The following DKK2 variants were observed in gnomAD, a reference collection of about 807,000 sequenced individuals.
DKK2 encodes dickkopf Wnt signaling pathway inhibitor 2.
A neutral mutation model predicts 28.1 loss-of-function variants in DKK2; 11 were observed. The ratio of observed to expected loss-of-function variants is 0.39; its 90% CI spans 0.25 to 0.65. The LOEUF is 0.65. DKK2 is among the 30% of genes least tolerant of loss of function. The pLI is 0.47. For missense variants in DKK2, 326 were observed against 335.5 expected (o/e 0.97, Z 0.22); for synonymous variants, 135 against 126.5 (o/e 1.07, Z -0.45).
At chr4:106,957,821 T>A (rs956780439) in intron 1 of DKK2, among the ~76,000 whole-genome samples, 1 of 147,800 alleles carries the variant, frequency 6.8e-6, no homozygotes, top group African/African-American at 2.5e-5. Context: ...AGTTAATGGG[T>A]GCAGCACACC....
intron 1 of DKK2, among the ~76,000 whole-genome samples, chr4:106,978,988 C>G (rs1044990434): frequency 6.6e-6 from 1 of 152,048 alleles, no homozygotes; most frequent in Non-Finnish European, 1.5e-5. Context: ...CACAGTCCCT[C>G]ACAGCTTCCC....
rs955116195 is a variant in DKK2 at position 107,002,186 on chromosome 4, C to T, written c.222+33184G>A. Among the ~76,000 whole-genome samples, 13 of 152,314 alleles carry T rather than the reference C, an allele frequency of 8.5e-5. No individual in the cohort carries two copies. The East Asian group carries it at 1.9e-3, about 23-fold the overall frequency. On this transcript the variant is annotated intron_variant, in intron 1 of 3. Coordinates refer to ENST00000285311, the MANE Select transcript of DKK2 (RefSeq NM_014421.3). Reference sequence around the variant, plus strand: ...AAAAATAATCTGTCCTAAATTACATCGTTCTGAACTAACTGCAAGACTGTT... The same window carrying T: ...AAAAATAATCTGTCCTAAATTACATTGTTCTGAACTAACTGCAAGACTGTT...
rs1345743374 is a variant in DKK2 at position 106,925,822 on chromosome 4, C to A, written c.350G>T (p.Cys117Phe). ...KKRCHRDGMC[C>F]PSTRCNNGIC... ...ACCATTATTGCAGCGGGTACTGGGG[C>A]AGCACATGCCATCTCGGTGGCAGCG... The change falls in exon 2 of 4, where the codon TGC (cysteine) becomes TTC (phenylalanine). Residue 117 changes from cysteine (C) to phenylalanine (F), a missense_variant. Cys to Phe is a radical substitution (Grantham distance 205). Coordinates refer to ENST00000285311, the MANE Select transcript of DKK2 (RefSeq NM_014421.3). 6.2e-7 allele frequency: 1 copy of A among 1,612,240 alleles called. No individual in the cohort carries two copies. Among genetic ancestry groups the A allele is most frequent in the South Asian group, 1.1e-5 (1 of 90,970 alleles).
Position 106,978,394 on chromosome 4 carries a change from A to T in DKK2, c.223-52445T>A, listed in dbSNP as rs143266515. Among the ~76,000 whole-genome samples the T allele has an allele frequency of 3.6e-3, 542 of 152,294 alleles. 2 individuals carry two copies. Among genetic ancestry groups the T allele is most frequent in the Non-Finnish European group, 6.4e-3 (435 of 68,026 alleles). On this transcript the variant is annotated intron_variant, in intron 1 of 3. Coordinates refer to ENST00000285311, the MANE Select transcript of DKK2 (RefSeq NM_014421.3). ...CAGGGAGATGAGAGTTTGATCTATA[A>T]GCCCCTGACAGTGGCTGCTGCCTTT...
chr4:106,941,181 A>G (rs2110343698), intron 1 of DKK2, among the ~76,000 whole-genome samples: 1 of 152,294 alleles, frequency 6.6e-6, no homozygotes, highest in African/African-American at 2.4e-5. Context: ...GCTCCACCAC[A>G]GAACTCTACC....
chr4:106,993,061 T>C (rs1723226958), intron 1 of DKK2, among the ~76,000 whole-genome samples: 1 of 152,238 alleles, frequency 6.6e-6, no homozygotes, highest in African/African-American at 2.4e-5. Context: ...AATTCAAGTG[T>C]AGACAAGTTT....
chr4:106,950,035 C>T (rs749833931), intron 1 of DKK2, among the ~76,000 whole-genome samples: 69 of 152,178 alleles, frequency 4.5e-4, no homozygotes, highest in Non-Finnish European at 8.5e-4. Flanking sequence ...GAGTGTAAAA[C>T]ATGTCTTGCA....
At chr4:106,955,233 C>T (rs1722572528) in intron 1 of DKK2, among the ~76,000 whole-genome samples, 1 of 151,752 alleles carries the variant, frequency 6.6e-6, no homozygotes. Flanking sequence ...TGTTTAATGC[C>T]CTCCCAAAAG....
At chr4:106,991,717 A>T (rs922249285) in intron 1 of DKK2, among the ~76,000 whole-genome samples, 2 of 152,160 alleles carry the variant, frequency 1.3e-5, no homozygotes, top group Non-Finnish European at 2.9e-5. Context: ...ACACACATAC[A>T]TGCACACACA....
intron 1 of DKK2, among the ~76,000 whole-genome samples, chr4:106,984,309 A>T (rs1444774744): frequency 6.6e-6 from 1 of 152,182 alleles, no homozygotes; most frequent in Non-Finnish European, 1.5e-5. Context: ...CTTTTTCATC[A>T]TCTCAAATGG....
At chr4:106,930,383 C>T (rs773588877) in intron 1 of DKK2, among the ~76,000 whole-genome samples, 7 of 152,124 alleles carry the variant, frequency 4.6e-5, no homozygotes, top group Non-Finnish European at 1.0e-4. Flanking sequence ...TTTCACTTGC[C>T]TATCCCTTTG....
intron 1 of DKK2, among the ~76,000 whole-genome samples, chr4:107,025,997 G>T (rs1470118864): frequency 1.3e-5 from 2 of 152,184 alleles, no homozygotes; most frequent in African/African-American, 4.8e-5. Flanking sequence ...GTTCCAGTGA[G>T]AATTTCTTTG....
chr4:106,964,960 T>TATAGATGATAG lies in DKK2; in HGVS notation c.223-39012_223-39011insCTATCATCTAT, dbSNP rs1553922186. 4.2e-3 allele frequency among the ~76,000 whole-genome samples: 617 copies of TATAGATGATAG among 146,410 alleles called. 3 individuals are homozygous for TATAGATGATAG. Among genetic ancestry groups the TATAGATGATAG allele is most frequent in the Non-Finnish European group, 6.3e-3 (422 of 66,602 alleles). ...GATAGATTAGATATAGATAGATAGA[T>TATAGATGATAG]ATAGATAGATAGATAGATAGATAGA... On this transcript the variant is annotated intron_variant, in intron 1 of 3. Transcript: ENST00000285311.
intron 1 of DKK2, among the ~76,000 whole-genome samples, chr4:106,985,147 T>C (rs1723097555): frequency 6.8e-6 from 1 of 146,476 alleles, no homozygotes. Context: ...AGGCAGAGCT[T>C]GCAGTGAGCC....
Position 107,019,807 on chromosome 4 carries a change from C to G in DKK2, c.222+15563G>C, listed in dbSNP as rs148151688. On this transcript the variant is annotated intron_variant, in intron 1 of 3. Coordinates refer to ENST00000285311, the MANE Select transcript of DKK2 (RefSeq NM_014421.3). ...CCTCAATACCTTACATTAAATATCA[C>G]TATAATGTTTGCTATTGAAACTTCA... 7.4e-3 allele frequency among the ~76,000 whole-genome samples: 1,132 copies of G among 152,100 alleles called. 16 individuals are homozygous for G. Among genetic ancestry groups the G allele is most frequent in the African/African-American group, 0.026 (1,074 of 41,510 alleles).
intron 1 of DKK2, among the ~76,000 whole-genome samples, chr4:106,931,462 C>A (rs532267986): frequency 6.6e-6 from 1 of 151,952 alleles, no homozygotes; most frequent in Non-Finnish European, 1.5e-5. Context: ...ACATTTGACA[C>A]TTAAAATTTT....
chr4:106,941,869 A>G (rs1055616044), intron 1 of DKK2, among the ~76,000 whole-genome samples: 7 of 152,288 alleles, frequency 4.6e-5, no homozygotes, highest in African/African-American at 1.7e-4. Flanking sequence ...AATAGCAATA[A>G]TATGACCACA....
chr4:106,998,009 G>A (rs1036082040), intron 1 of DKK2, among the ~76,000 whole-genome samples: 4 of 152,140 alleles, frequency 2.6e-5, no homozygotes, highest in African/African-American at 9.7e-5. Context: ...TAGAATTACA[G>A]TCTTAAAGCT....
intron 1 of DKK2, among the ~76,000 whole-genome samples, chr4:106,976,203 G>T (rs1055448513): frequency 1.3e-5 from 2 of 152,138 alleles, no homozygotes; most frequent in Non-Finnish European, 2.9e-5. Flanking sequence ...GTGCTGAGAA[G>T]AATGTATATT....
Sources: gnomAD v4.1 joint callset for allele counts (sites outside exome capture counted in the v4.1 genomes callset) on GRCh38, gnomAD v4.1.1 for gene constraint, MANE v1.5 for transcripts, NCBI Gene and HGNC (gene_info 2026-07-23, HGNC 2026-07-21) for gene names.